Variants in BMP1 observed in about 807,000 individuals in gnomAD.
BMP1 encodes the protein bone morphogenetic protein 1, also known as mammalian tolloid protein.
In BMP1, 63 loss-of-function variants were observed where a neutral mutation model predicts 116.8. The observed-to-expected ratio is 0.54, with a 90% confidence interval of 0.44 to 0.67. The LOEUF (loss-of-function observed/expected upper bound fraction) is 0.67. Among genes scored for constraint, BMP1 ranks in the 30% least tolerant of loss-of-function variants. The probability of loss-of-function intolerance (pLI) is 0.00; values close to 1 mark genes in which losing one functional copy is unlikely to be tolerated. For missense variants in BMP1, 1,183 were observed against 1,358.9 expected, an observed-to-expected ratio of 0.87 and a Z score of 2.04; for synonymous variants, 536 against 533.4, an observed-to-expected ratio of 1.00 and a Z score of -0.07.
chr8:22,192,176 C>A (rs1478999844), intron 9 of BMP1, 25 bp downstream of exon 9: 2 of 1,586,444 alleles, frequency 1.3e-6, no homozygotes, highest in Non-Finnish European at 1.7e-6. Flanking sequence ...CACCCCCTGC[C>A]CCCTCCATGC....
At chr8:22,167,881 A>T (rs1461061874) in intron 1 of BMP1, among the ~76,000 whole-genome samples, 2 of 152,116 alleles carry the variant, frequency 1.3e-5, no homozygotes, top group Non-Finnish European at 2.9e-5. Context: ...CCTTCCAGCC[A>T]CAGGTCCCTC....
At chr8:22,195,086 A>G (rs572923281) in intron 12 of BMP1, among the ~76,000 whole-genome samples, 167 bp downstream of exon 12, 12 of 152,240 alleles carry the variant, frequency 7.9e-5, no homozygotes, top group South Asian at 2.1e-4. Context: ...AGGTCCCCCA[A>G]TGTGGATTAG....
chr8:22,200,989 T>TCCCCCCCCCCCCCC, intron 15 of BMP1: 3 of 137,110 alleles, frequency 2.2e-5, no homozygotes, highest in Admixed American at 1.2e-4. Context: ...CCGCCTGCCC[T>TCCCCCCCCCCCCCC]CCCGCCCCAC....
chr8:22,177,609 G>GAA, intron 5 of BMP1: 1 of 756,454 alleles, frequency 1.3e-6, no homozygotes, highest in Non-Finnish European at 2.4e-6. Context: ...TGTGGCTCTA[G>GAA]AAATGGTGCT....
intron 8 of BMP1, among the ~76,000 whole-genome samples, chr8:22,183,684 G>A (rs886346942): frequency 1.3e-5 from 2 of 151,762 alleles, no homozygotes; most frequent in African/African-American, 4.8e-5. Flanking sequence ...TCAGCTCACC[G>A]CAACCTCCTC....
intron 13 of BMP1, 43 bp from the exon 14 acceptor site, chr8:22,196,637 C>A (rs773098803): frequency 6.2e-7 from 1 of 1,611,934 alleles, no homozygotes. Flanking sequence ...TTCCCCATGG[C>A]AGGGGCTCCC....
intron 19 of BMP1, among the ~76,000 whole-genome samples, chr8:22,210,446 C>T (rs73225875): frequency 0.2 from 26,774 of 134,026 alleles, 2,888 homozygotes; most frequent in Middle Eastern, 0.25. Context: ...TCTCTCTTTC[C>T]CTCTCTCTCT....
intron 1 of BMP1, among the ~76,000 whole-genome samples, chr8:22,167,366 T>C (rs1469582154): frequency 6.6e-6 from 1 of 151,994 alleles, no homozygotes; most frequent in Admixed American, 6.6e-5. Context: ...GAGTGCCACA[T>C]TGGAGGGTAG....
At chr8:22,173,806 C>A in intron 2 of BMP1, 91 bp downstream of exon 2, 1 of 1,031,138 alleles carries the variant, frequency 9.7e-7, no homozygotes. Context: ...GCCAGGCCCT[C>A]CCAGGACAGA....
intron 9 of BMP1, among the ~76,000 whole-genome samples, chr8:22,192,530 T>A (rs144395234): frequency 1.3e-5 from 2 of 152,342 alleles, no homozygotes; most frequent in African/African-American, 4.8e-5. Context: ...CCACTATTTT[T>A]TTCTATCTGC....
At chr8:22,167,903 C>G (rs1034144309) in intron 1 of BMP1, among the ~76,000 whole-genome samples, 1 of 152,170 alleles carries the variant, frequency 6.6e-6, no homozygotes, top group Non-Finnish European at 1.5e-5. Context: ...GCTCTGTTCT[C>G]CACGTTTCCT....
chr8:22,203,427 C>T (rs569983458), intron 16 of BMP1, among the ~76,000 whole-genome samples: 15 of 152,190 alleles, frequency 9.9e-5, no homozygotes, highest in Admixed American at 3.9e-4. Flanking sequence ...CGTGGTGGGA[C>T]GCACCTGTAA....
intron 16 of BMP1, among the ~76,000 whole-genome samples, chr8:22,205,617 GC>G (rs1829338687): frequency 6.6e-6 from 1 of 151,836 alleles, no homozygotes; most frequent in Non-Finnish European, 1.5e-5. Flanking sequence ...TCTACAACAA[GC>G]AAAAATGAAA....
At position 22,208,629 on chromosome 8, in the gene BMP1, G is replaced by A. The variant is rs142711090; in HGVS notation, c.2576-816G>A. Among the ~76,000 whole-genome samples the A allele has an allele frequency of 2.0e-3, 301 of 152,384 alleles. 7 individuals carry two copies. The East Asian group carries it at 0.031, about 16-fold the overall frequency. ...ATTTACTTTGGCCGAAGCAATGGGTGTGTGAGGACAGCAGGTTGTGGGAAT... is the reference window on the plus strand; with the variant it reads ...ATTTACTTTGGCCGAAGCAATGGGTATGTGAGGACAGCAGGTTGTGGGAAT... On this transcript the variant is annotated intron_variant, in intron 18 of 19. Coordinates refer to ENST00000306385, the MANE Select transcript of BMP1 (RefSeq NM_006129.5).
Position 22,169,218 on chromosome 8 carries a change from A to C in BMP1, c.148+3665A>C, listed in dbSNP as rs1440849853. On this transcript the variant is annotated intron_variant, in intron 1 of 19. Coordinates refer to ENST00000306385, the MANE Select transcript of BMP1 (RefSeq NM_006129.5). ...AAAAAAAAAAATCTAGTTTCTCCAGAGATCTGGGGAGAAGATATTGCGGTC... is the reference window on the plus strand; with the variant it reads ...AAAAAAAAAAATCTAGTTTCTCCAGCGATCTGGGGAGAAGATATTGCGGTC... 2.0e-5 allele frequency: 3 copies of C among 151,266 alleles called. No individual in the cohort carries two copies. In the East Asian group the frequency reaches 5.8e-4, roughly 29 times the overall value. The allele number at this position is 151,266 out of a possible 1,614,324, so 9.4% of individuals were successfully genotyped here.
intron 7 of BMP1, 54 bp from the exon 8 acceptor site, chr8:22,180,314 A>G (rs1586444421): frequency 2.1e-6 from 3 of 1,448,844 alleles, no homozygotes; most frequent in Non-Finnish European, 2.9e-6. Context: ...GTGAGCCAGA[A>G]GATGGGGGGA....
In BMP1 at chr8:22,173,056, T is replaced by C. The variant is rs553782868; in HGVS notation, c.149-546T>C. Among the ~76,000 whole-genome samples the C allele has an allele frequency of 2.6e-5, 4 of 152,222 alleles. No individual in the cohort carries two copies. The South Asian group carries it at 8.3e-4, about 31-fold the overall frequency. The stretch of plus-strand genomic sequence containing the variant: ...AGACCCTAGGTCAGTATTTATTTAC[T>C]TGCATATTATGGAAGGTTAGCTCCA... On this transcript the variant is annotated intron_variant, in intron 1 of 19. Coordinates refer to ENST00000306385, the MANE Select transcript of BMP1 (RefSeq NM_006129.5).
chr8:22,196,125 G>T (rs556169207), intron 13 of BMP1: 7 of 502,618 alleles, frequency 1.4e-5, no homozygotes, highest in South Asian at 1.0e-4. Context: ...GGGTGTTTTC[G>T]GGTTTTTTTT....
chr8:22,198,874 A>T, intron 15 of BMP1: 1 of 1,063,902 alleles, frequency 9.4e-7, no homozygotes, highest in Non-Finnish European at 1.2e-6. Context: ...ATGCCAGGCC[A>T]ATTTCTTCCT....
Sources: gnomAD v4.1 joint callset for allele counts (sites outside exome capture counted in the v4.1 genomes callset) on GRCh38, gnomAD v4.1.1 for gene constraint, MANE v1.5 for transcripts, NCBI Gene and HGNC (gene_info 2026-07-23, HGNC 2026-07-21) for gene names.